ITSN1: variants seen among roughly 807,000 people sequenced by gnomAD.
The protein encoded by ITSN1 is intersectin-1.
Under a neutral mutation model 239.8 loss-of-function variants are expected in ITSN1, and 58 were observed. The ratio of observed to expected loss-of-function variants is 0.24; its 90% CI spans 0.20 to 0.30. The LOEUF (loss-of-function observed/expected upper bound fraction) is 0.30. ITSN1 is among the 10% of genes least tolerant of loss of function. The pLI is 1.00. For missense variants in ITSN1, 1,558 were observed against 2,103.3 expected (o/e 0.74, Z 5.07); for synonymous variants, 780 against 770.8 (o/e 1.01, Z -0.20).
In ITSN1 at chr21:33,735,098, A is replaced by C. The variant is rs780079150; in HGVS notation, c.240A>C (p.Ile80=). 1.9e-6 allele frequency: 3 copies of C among 1,613,894 alleles called. No individual in the cohort carries two copies. ...DGRMDQVEFS[I]AMKLIKLKLQ... is the part of the protein sequence containing the mutation. The stretch of plus-strand genomic sequence containing the variant: ...GAATGGATCAAGTGGAGTTTTCCAT[A>C]GCTATGAAACTTATCAAACTGAAGC... The change falls in exon 5 of 40, where the codon ATA becomes ATC. Residue 80 remains isoleucine (I), a synonymous_variant. Coordinates refer to ENST00000381318, the MANE Select transcript of ITSN1 (RefSeq NM_003024.3).
At chr21:33,778,601 C>T (rs1342873526) in intron 14 of ITSN1, among the ~76,000 whole-genome samples, 12 of 57,914 alleles carry the variant, frequency 2.1e-4, no homozygotes, top group African/African-American at 8.1e-4. Context: ...TTTTTTGAGA[C>T]GGAGTCTCGC....
At chr21:33,834,743 A>G (rs2074502492) in intron 28 of ITSN1, among the ~76,000 whole-genome samples, 1 of 147,506 alleles carries the variant, frequency 6.8e-6, no homozygotes, top group Non-Finnish European at 1.5e-5. Context: ...GGTTTAGGCT[A>G]GGGGGTGAGG....
intron 39 of ITSN1, among the ~76,000 whole-genome samples, chr21:33,887,229 G>A (rs1421769469): frequency 1.3e-5 from 2 of 151,908 alleles, no homozygotes; most frequent in African/African-American, 2.4e-5. Context: ...TGAGGCAGGA[G>A]GATTGCTTGA....
intron 1 of ITSN1, among the ~76,000 whole-genome samples, chr21:33,695,296 A>T (rs1217914057): frequency 1.3e-5 from 2 of 152,226 alleles, no homozygotes; most frequent in African/African-American, 4.8e-5. Context: ...AACTTTCTGA[A>T]CTAGGTTGAC....
At chr21:33,645,448 T>G (rs1211802428) in intron 1 of ITSN1, among the ~76,000 whole-genome samples, 2 of 151,988 alleles carry the variant, frequency 1.3e-5, no homozygotes, top group East Asian at 3.9e-4. Context: ...TGAGACCAGC[T>G]TGGGCAACAC....
chr21:33,852,547 G>A (rs954060230), intron 29 of ITSN1, among the ~76,000 whole-genome samples: 2 of 151,616 alleles, frequency 1.3e-5, no homozygotes, highest in African/African-American at 2.4e-5. Flanking sequence ...TTTTTTCCCC[G>A]TGATTTTCTC....
intron 9 of ITSN1, among the ~76,000 whole-genome samples, chr21:33,763,229 C>CAAAAAA (rs71322243): frequency 1.7e-4 from 12 of 69,820 alleles, no homozygotes; most frequent in South Asian, 7.2e-4. Flanking sequence ...GCCCCCCAAC[C>CAAAAAA]AAAAAAAAAA....
At chr21:33,736,589 G>A (rs1359300731) in intron 5 of ITSN1, among the ~76,000 whole-genome samples, 1 of 152,226 alleles carries the variant, frequency 6.6e-6, no homozygotes, top group Non-Finnish European at 1.5e-5. Context: ...TGCTCACAAT[G>A]TTTAGCCTTT....
chr21:33,704,325 ATCTT>A (rs776467806), intron 1 of ITSN1, among the ~76,000 whole-genome samples: 2 of 152,144 alleles, frequency 1.3e-5, no homozygotes, highest in Non-Finnish European at 1.5e-5. Context: ...AAATTGGTTT[ATCTT>A]TCTTCTTTCG....
At chr21:33,778,001 CAT>C (rs1322285152) in intron 14 of ITSN1, among the ~76,000 whole-genome samples, 1 of 152,138 alleles carries the variant, frequency 6.6e-6, no homozygotes, top group Non-Finnish European at 1.5e-5. Context: ...TGAAATAGAT[CAT>C]ATGTTTTTTC....
At chr21:33,704,900 A>G (rs2092176490) in intron 1 of ITSN1, among the ~76,000 whole-genome samples, 2 of 144,674 alleles carry the variant, frequency 1.4e-5, no homozygotes, top group Admixed American at 1.4e-4. Flanking sequence ...CATCCTGGCT[A>G]ACATGGAGAA....
intron 33 of ITSN1, among the ~76,000 whole-genome samples, chr21:33,868,699 C>T (rs918482513): frequency 2.0e-5 from 3 of 152,220 alleles, no homozygotes; most frequent in Non-Finnish European, 2.9e-5. Context: ...CGCGCCTCTC[C>T]CTCCACACCT....
chr21:33,868,037 A>T (rs1051495498), intron 33 of ITSN1, among the ~76,000 whole-genome samples: 1 of 152,222 alleles, frequency 6.6e-6, no homozygotes, highest in African/African-American at 2.4e-5. Context: ...AGAGTGAAAG[A>T]ACAAAGCTTC....
At chr21:33,673,906 G>C (rs1426438103) in intron 1 of ITSN1, among the ~76,000 whole-genome samples, 5 of 152,150 alleles carry the variant, frequency 3.3e-5, no homozygotes, top group African/African-American at 1.2e-4. Flanking sequence ...TCAAACTTCT[G>C]TACATCTTGC....
intron 9 of ITSN1, among the ~76,000 whole-genome samples, chr21:33,762,270 CTT>C (rs1218226970): frequency 4.9e-5 from 7 of 144,242 alleles, no homozygotes; most frequent in Non-Finnish European, 4.6e-5. Context: ...ATTTCTTTTT[CTT>C]TTTTTTTTTT....
intron 29 of ITSN1, among the ~76,000 whole-genome samples, chr21:33,852,991 AAAGG>A (rs1372331088): frequency 1.2e-4 from 18 of 152,328 alleles, no homozygotes; most frequent in Non-Finnish European, 2.2e-4. Context: ...TTAAATTTTC[AAAGG>A]AAGAATATTT....
chr21:33,704,693 C>G (rs1261733231), intron 1 of ITSN1, among the ~76,000 whole-genome samples: 1 of 152,090 alleles, frequency 6.6e-6, no homozygotes, highest in Non-Finnish European at 1.5e-5. Flanking sequence ...CCAAAATTGA[C>G]TTCATTATTT....
intron 33 of ITSN1, among the ~76,000 whole-genome samples, chr21:33,870,488 G>T (rs909136230): frequency 5.9e-5 from 9 of 152,268 alleles, no homozygotes; most frequent in Admixed American, 5.9e-4. Flanking sequence ...GAAAACAGTG[G>T]TCAGCTATGA....
At chr21:33,694,688 G>C (rs1190871658) in intron 1 of ITSN1, among the ~76,000 whole-genome samples, 1 of 152,152 alleles carries the variant, frequency 6.6e-6, no homozygotes, top group Non-Finnish European at 1.5e-5. Flanking sequence ...AGGCGTGGTG[G>C]TGGGTGCCTG....
Sources: allele counts gnomAD v4.1 joint callset (sites outside exome capture counted in the v4.1 genomes callset), GRCh38; gene constraint gnomAD v4.1.1; transcripts MANE v1.5; gene names NCBI Gene and HGNC (gene_info 2026-07-23, HGNC 2026-07-21).